LRRTM4: variants seen among roughly 807,000 people sequenced by gnomAD.
LRRTM4 encodes leucine-rich repeat transmembrane neuronal protein 4.
A neutral mutation model predicts 47.6 loss-of-function variants in LRRTM4; 25 were observed. The ratio of observed to expected loss-of-function variants is 0.53; its 90% CI spans 0.38 to 0.73. The LOEUF is 0.73. Ranked by LOEUF, LRRTM4 falls within the 30% of genes least tolerant of loss-of-function variation. The pLI, the probability that LRRTM4 is intolerant of heterozygous loss-of-function variation, is 0.00. For missense variants in LRRTM4, 638 were observed against 713.4 expected (o/e 0.89, Z 1.20); for synonymous variants, 311 against 269.5 (o/e 1.15, Z -1.51).
chr2:76,934,724 T>G (rs983336827), intron 3 of LRRTM4, among the ~76,000 whole-genome samples: 3 of 152,178 alleles, frequency 2.0e-5, no homozygotes, highest in Non-Finnish European at 4.4e-5. Context: ...CTACTCCCAT[T>G]GGAAAACATA....
At chr2:77,100,598 A>G (rs1282534881) in intron 3 of LRRTM4, among the ~76,000 whole-genome samples, 2 of 152,168 alleles carry the variant, frequency 1.3e-5, no homozygotes, top group African/African-American at 2.4e-5. Flanking sequence ...AAGCCTCTTC[A>G]CAAGTAGAAC....
intron 3 of LRRTM4, among the ~76,000 whole-genome samples, chr2:77,149,959 T>C (rs1672371238): frequency 6.6e-6 from 1 of 152,180 alleles, no homozygotes; most frequent in African/African-American, 2.4e-5. Context: ...TGTGGTCCTC[T>C]TGGGATGTTT....
intron 3 of LRRTM4, among the ~76,000 whole-genome samples, chr2:77,093,697 C>G (rs59482723): frequency 2.6e-5 from 4 of 151,780 alleles, no homozygotes; most frequent in Admixed American, 6.6e-5. Flanking sequence ...GCCAAGCCAT[C>G]GCATCCCCTG....
At chr2:76,974,840 C>CT (rs948837138) in intron 3 of LRRTM4, among the ~76,000 whole-genome samples, 4 of 151,472 alleles carry the variant, frequency 2.6e-5, no homozygotes, top group African/African-American at 4.8e-5. Context: ...CCATTTTACT[C>CT]TTTTTTTTAA....
intron 3 of LRRTM4, among the ~76,000 whole-genome samples, chr2:77,513,187 C>T (rs781003520): frequency 1.3e-5 from 2 of 152,108 alleles, no homozygotes; most frequent in African/African-American, 2.4e-5. Context: ...TACATATTTT[C>T]CCCTCAAGCA....
chr2:77,391,406 A>G (rs565822848), intron 3 of LRRTM4, among the ~76,000 whole-genome samples: 82 of 152,118 alleles, frequency 5.4e-4, no homozygotes, highest in Middle Eastern at 3.4e-3. Context: ...TATTCATTAA[A>G]AATGCATTGT....
At chr2:77,154,270 C>T (rs1335492287) in intron 3 of LRRTM4, among the ~76,000 whole-genome samples, 3 of 152,102 alleles carry the variant, frequency 2.0e-5, no homozygotes, top group South Asian at 4.1e-4. Context: ...GCAAACTATT[C>T]AGAGTTTTTT....
At chr2:76,874,238 C>T (rs911196242) in intron 3 of LRRTM4, among the ~76,000 whole-genome samples, 1 of 151,894 alleles carries the variant, frequency 6.6e-6, no homozygotes, top group Non-Finnish European at 1.5e-5. Flanking sequence ...TCAAGGAAGT[C>T]TGACTTTGAC....
At chr2:76,794,068 G>A (rs1675124127) in intron 3 of LRRTM4, among the ~76,000 whole-genome samples, 2 of 152,178 alleles carry the variant, frequency 1.3e-5, no homozygotes, top group Non-Finnish European at 2.9e-5. Context: ...ACTAAGAATT[G>A]TAAAAGCGGT....
chr2:77,200,684 C>A (rs1005593045), intron 3 of LRRTM4, among the ~76,000 whole-genome samples: 1 of 152,000 alleles, frequency 6.6e-6, no homozygotes, highest in Non-Finnish European at 1.5e-5. Flanking sequence ...CAGCTCACTG[C>A]TACAAAGGTC....
At chr2:76,748,969 T>C (rs1558630681) in intron 3 of LRRTM4, 53 bp from the exon 4 acceptor site, 6 of 1,451,316 alleles carry the variant, frequency 4.1e-6, no homozygotes, top group Admixed American at 3.7e-5. Context: ...TTTGGAAAGA[T>C]AGGACAGCAC....
intron 3 of LRRTM4, among the ~76,000 whole-genome samples, chr2:77,120,356 A>G (rs1407201082): frequency 6.6e-6 from 1 of 151,748 alleles, no homozygotes; most frequent in Non-Finnish European, 1.5e-5. Context: ...CTAACGGGAG[A>G]CATACTACAG....
At chr2:77,167,498 C>T (rs972055423) in intron 3 of LRRTM4, among the ~76,000 whole-genome samples, 1 of 152,168 alleles carries the variant, frequency 6.6e-6, no homozygotes, top group Non-Finnish European at 1.5e-5. Context: ...AAGACACATG[C>T]ATACGTATGT....
intron 3 of LRRTM4, among the ~76,000 whole-genome samples, chr2:77,087,947 C>A (rs568616361): frequency 2.0e-5 from 3 of 152,156 alleles, no homozygotes; most frequent in African/African-American, 4.8e-5. Flanking sequence ...GGCAAAAGAT[C>A]ATATGCTATC....
At chr2:77,288,953 C>T (rs1455836002) in intron 3 of LRRTM4, among the ~76,000 whole-genome samples, 1 of 152,070 alleles carries the variant, frequency 6.6e-6, no homozygotes, top group Non-Finnish European at 1.5e-5. Flanking sequence ...TCAGTTAATG[C>T]ACCTCTCACC....
In LRRTM4 at chr2:77,113,970, CCAGGGGGTAATG is replaced by C. The variant is rs1476733482; in HGVS notation, c.1552-365066_1552-365055del. 2.0e-5 allele frequency among the ~76,000 whole-genome samples: 3 copies of C among 151,980 alleles called. No individual in the cohort carries two copies. In the East Asian group the frequency reaches 5.8e-4, roughly 29 times the overall value. On this transcript the variant is annotated intron_variant, in intron 3 of 3. Transcript: ENST00000409884. ...CTCTTCGGGAAATAAAATAAGATCACCAGGGGGTAATGTTAAGCCAAAGTCACCAGAATTAGA... is the reference window on the plus strand; with the variant it reads ...CTCTTCGGGAAATAAAATAAGATCACTTAAGCCAAAGTCACCAGAATTAGA...
chr2:77,475,801 T>C (rs1369089063), intron 3 of LRRTM4, among the ~76,000 whole-genome samples: 1 of 151,864 alleles, frequency 6.6e-6, no homozygotes, highest in Non-Finnish European at 1.5e-5. Context: ...ATACTTCACA[T>C]GCTTTTCATT....
rs192190361 is a variant in LRRTM4 at position 77,053,085 on chromosome 2, T to A, written c.1552-304169A>T. Among the ~76,000 whole-genome samples, 49 of 151,940 alleles carry A rather than the reference T, an allele frequency of 3.2e-4. No homozygotes were observed. The East Asian group carries it at 5.2e-3, about 16-fold the overall frequency. ...AATTTGAGAGCGATAAAGAAGTGAG[T>A]CCTTGGTGATAACTACAACCTCACT... On this transcript the variant is annotated intron_variant, in intron 3 of 3. Transcript: ENST00000409884.
chr2:76,793,400 T>A (rs188221234), intron 3 of LRRTM4, among the ~76,000 whole-genome samples: 1 of 152,230 alleles, frequency 6.6e-6, no homozygotes, highest in Non-Finnish European at 1.5e-5. Flanking sequence ...TTTGGCCAAT[T>A]ACTGAAATCG....
Sources: gnomAD v4.1 joint callset for allele counts (sites outside exome capture counted in the v4.1 genomes callset) on GRCh38, gnomAD v4.1.1 for gene constraint, MANE v1.5 for transcripts, NCBI Gene and HGNC (gene_info 2026-07-23, HGNC 2026-07-21) for gene names.